SPAG16: variants seen among roughly 807,000 people sequenced by gnomAD.
SPAG16 encodes sperm associated antigen 16, also known as sperm-associated antigen 16 protein.
SPAG16 carries 86 observed loss-of-function variants against 80.4 expected under a neutral mutation model. The ratio of observed to expected loss-of-function variants is 1.07; its 90% CI spans 0.90 to 1.28. SPAG16 has a LOEUF of 1.28. Among genes scored for constraint, SPAG16 ranks in the 50% most tolerant of loss-of-function variants. The pLI is 0.00. For missense variants in SPAG16, 870 were observed against 765.3 expected (o/e 1.14, Z -1.61); for synonymous variants, 294 against 265.9 (o/e 1.11, Z -1.03).
At chr2:213,617,677 G>C (rs577518031) in intron 10 of SPAG16, among the ~76,000 whole-genome samples, 18 of 152,198 alleles carry the variant, frequency 1.2e-4, no homozygotes, top group South Asian at 2.1e-4. Context: ...GCAAGGCATA[G>C]TGGCATGTGC....
At chr2:213,560,416 A>G (rs1575975268) in intron 10 of SPAG16, among the ~76,000 whole-genome samples, 1 of 152,242 alleles carries the variant, frequency 6.6e-6, no homozygotes, top group East Asian at 1.9e-4. Flanking sequence ...TGATGAAGAG[A>G]ATCCATTCAG....
intron 9 of SPAG16, among the ~76,000 whole-genome samples, chr2:213,422,908 G>A (rs2069686128): frequency 6.6e-6 from 1 of 152,216 alleles, no homozygotes; most frequent in African/African-American, 2.4e-5. Context: ...AGTCTATGAT[G>A]ACAGCTTAGA....
intron 10 of SPAG16, among the ~76,000 whole-genome samples, chr2:213,572,802 C>G (rs1355566440): frequency 1.3e-5 from 2 of 152,152 alleles, no homozygotes; most frequent in Non-Finnish European, 2.9e-5. Context: ...TTTACCTAAG[C>G]AAGCCTGGGC....
chr2:214,176,556 AT>A (rs2057087265), intron 15 of SPAG16, among the ~76,000 whole-genome samples: 1 of 151,272 alleles, frequency 6.6e-6, no homozygotes, highest in Non-Finnish European at 1.5e-5. Context: ...TAACCCTATA[AT>A]TTTGTGAATT....
chr2:213,844,678 G>A lies in SPAG16; in HGVS notation c.1071-17807G>A, dbSNP rs529211691. 2.0e-5 allele frequency among the ~76,000 whole-genome samples: 3 copies of A among 152,248 alleles called. No homozygotes were observed. In the East Asian group the frequency reaches 5.8e-4, roughly 29 times the overall value. On this transcript the variant is annotated intron_variant, in intron 10 of 15. Transcript: ENST00000331683. Reference sequence around the variant, plus strand: ...GCTAACTGATTATTAATAAGGTGTAGGGTCTAAGGAGCATAAATTTTTTTA... The same window carrying A: ...GCTAACTGATTATTAATAAGGTGTAAGGTCTAAGGAGCATAAATTTTTTTA...
intron 10 of SPAG16, among the ~76,000 whole-genome samples, chr2:213,721,352 G>A (rs2066526609): frequency 6.6e-6 from 1 of 152,094 alleles, no homozygotes; most frequent in Non-Finnish European, 1.5e-5. Flanking sequence ...GCACACTTCG[G>A]CCTCCCAAAG....
intron 5 of SPAG16, among the ~76,000 whole-genome samples, chr2:213,332,599 A>G (rs2064157095): frequency 6.6e-6 from 1 of 152,162 alleles, no homozygotes; most frequent in Admixed American, 6.5e-5. Context: ...ACAGGCCAGT[A>G]TCTCTGATGT....
At chr2:214,129,403 GT>G (rs1395654105) in intron 14 of SPAG16, among the ~76,000 whole-genome samples, 1 of 152,124 alleles carries the variant, frequency 6.6e-6, no homozygotes, top group Non-Finnish European at 1.5e-5. Flanking sequence ...AATATGCAGT[GT>G]CTTGTAAACC....
At chr2:213,873,873 A>G (rs1004287139) in intron 11 of SPAG16, among the ~76,000 whole-genome samples, 1 of 152,114 alleles carries the variant, frequency 6.6e-6, no homozygotes, top group Admixed American at 6.6e-5. Context: ...GTGTACTTAC[A>G]CAAACCTAGA....
intron 12 of SPAG16, among the ~76,000 whole-genome samples, chr2:213,937,578 G>A (rs1404646628): frequency 1.3e-5 from 2 of 151,860 alleles, no homozygotes; most frequent in African/African-American, 4.8e-5. Flanking sequence ...TGATGTCTGA[G>A]TATTACGGAG....
intron 15 of SPAG16, among the ~76,000 whole-genome samples, chr2:214,335,021 A>G (rs1441359506): frequency 1.3e-5 from 2 of 152,210 alleles, no homozygotes; most frequent in Non-Finnish European, 2.9e-5. Context: ...CTCGCAGGAA[A>G]AGAACTGTCG....
intron 15 of SPAG16, among the ~76,000 whole-genome samples, chr2:214,276,581 T>C (rs576289271): frequency 2.6e-5 from 4 of 152,376 alleles, no homozygotes; most frequent in African/African-American, 9.6e-5. Context: ...TATGAAATTC[T>C]GGGTTGAAAA....
chr2:213,335,243 T>A (rs2064296439), intron 5 of SPAG16, among the ~76,000 whole-genome samples: 1 of 152,168 alleles, frequency 6.6e-6, no homozygotes, highest in South Asian at 2.1e-4. Context: ...TCCCAAAGAA[T>A]CTCATAATGA....
At chr2:213,972,493 G>T (rs1368649818) in intron 12 of SPAG16, among the ~76,000 whole-genome samples, 1 of 152,116 alleles carries the variant, frequency 6.6e-6, no homozygotes, top group African/African-American at 2.4e-5. Flanking sequence ...CCCAGCTCAA[G>T]CAGAGAGCAC....
intron 1 of SPAG16, 67 bp from the exon 2 acceptor site, chr2:213,295,997 C>T: frequency 7.3e-7 from 1 of 1,367,110 alleles, no homozygotes; most frequent in African/African-American, 1.4e-5. Context: ...ATTTGAAGGT[C>T]AAATCAATTT....
chr2:213,910,155 C>A (rs1047763370), intron 11 of SPAG16, among the ~76,000 whole-genome samples: 7 of 152,132 alleles, frequency 4.6e-5, no homozygotes, highest in Non-Finnish European at 8.8e-5. Context: ...GGTAACAGAA[C>A]ATTGTGACTA....
intron 10 of SPAG16, among the ~76,000 whole-genome samples, chr2:213,518,324 G>T (rs893224103): frequency 5.3e-5 from 8 of 152,162 alleles, no homozygotes; most frequent in African/African-American, 1.9e-4. Context: ...TGGAGTGCAG[G>T]TAGCATGATC....
chr2:213,600,968 T>C (rs1275422804), intron 10 of SPAG16, among the ~76,000 whole-genome samples: 1 of 152,134 alleles, frequency 6.6e-6, no homozygotes, highest in East Asian at 1.9e-4. Flanking sequence ...CACCACACAA[T>C]GAGGTACAGA....
intron 12 of SPAG16, among the ~76,000 whole-genome samples, chr2:213,981,745 C>T (rs1361076768): frequency 6.6e-6 from 1 of 151,916 alleles, no homozygotes; most frequent in Non-Finnish European, 1.5e-5. Flanking sequence ...TTATACAAAG[C>T]CACTGATATA....
Sources: allele counts gnomAD v4.1 joint callset (sites outside exome capture counted in the v4.1 genomes callset), GRCh38; gene constraint gnomAD v4.1.1; transcripts MANE v1.5; gene names NCBI Gene and HGNC (gene_info 2026-07-23, HGNC 2026-07-21).